The following ZRANB3 variants were observed in gnomAD, a reference collection of about 807,000 sequenced individuals.
ZRANB3 encodes the protein DNA annealing helicase and endonuclease ZRANB3.
Under a neutral mutation model 133.8 loss-of-function variants are expected in ZRANB3, and 125 were observed. That is an observed-to-expected ratio of 0.93 (90% CI 0.81 to 1.08). ZRANB3 has a LOEUF of 1.08. Among genes scored for constraint, ZRANB3 ranks in the 50% least tolerant of loss-of-function variants. The probability of loss-of-function intolerance (pLI) is 0.00; values close to 1 mark genes in which losing one functional copy is unlikely to be tolerated. For missense variants in ZRANB3, 1,229 were observed against 1,275.5 expected (o/e 0.96, Z 0.56); for synonymous variants, 387 against 432.7 (o/e 0.89, Z 1.31).
intron 2 of ZRANB3, among the ~76,000 whole-genome samples, chr2:135,446,171 A>G (rs1185030943): frequency 6.6e-6 from 1 of 150,714 alleles, no homozygotes; most frequent in African/African-American, 2.4e-5. Context: ...GCGCCATTGC[A>G]CTCCAGCCTG....
At chr2:135,392,342 CA>C (rs1480108307) in intron 2 of ZRANB3, among the ~76,000 whole-genome samples, 100 of 45,454 alleles carry the variant, frequency 2.2e-3, no homozygotes, top group African/African-American at 5.8e-3. Flanking sequence ...AATGAAAATA[CA>C]AAAAAAAAAA....
chr2:135,318,215 TGTGTGTG>T, intron 6 of ZRANB3, among the ~76,000 whole-genome samples: 1 of 31,084 alleles, frequency 3.2e-5, no homozygotes, highest in Non-Finnish European at 9.2e-5. Flanking sequence ...CACTATTTTG[TGTGTGTG>T]TGTGTGTGTG....
At chr2:135,357,217 A>T (rs62172181) in intron 3 of ZRANB3, among the ~76,000 whole-genome samples, 2 of 152,026 alleles carry the variant, frequency 1.3e-5, no homozygotes, top group African/African-American at 4.8e-5. Context: ...CTCGTGCCTT[A>T]GCCTCCTGAG....
chr2:135,399,617 CATG>C (rs888522870), intron 2 of ZRANB3, among the ~76,000 whole-genome samples: 2 of 152,118 alleles, frequency 1.3e-5, no homozygotes, highest in African/African-American at 4.8e-5. Context: ...TAACTCACAA[CATG>C]ATGACAAAAA....
chr2:135,517,297 G>A (rs1000773819), intron 1 of ZRANB3, among the ~76,000 whole-genome samples: 7 of 152,070 alleles, frequency 4.6e-5, no homozygotes, highest in South Asian at 2.1e-4. Flanking sequence ...CTCATTCTCC[G>A]TCCACTTTTG....
chr2:135,208,080 C>T (rs1262501717), intron 18 of ZRANB3, among the ~76,000 whole-genome samples: 1 of 152,100 alleles, frequency 6.6e-6, no homozygotes, highest in African/African-American at 2.4e-5. Context: ...AGGGGATGCC[C>T]TTGTGTTAAA....
chr2:135,499,297 A>G (rs904623137), intron 2 of ZRANB3, among the ~76,000 whole-genome samples: 4 of 152,226 alleles, frequency 2.6e-5, no homozygotes, highest in Non-Finnish European at 4.4e-5. Flanking sequence ...TTAAAATTTG[A>G]TGAAAGAAGT....
rs537635045 is a variant in ZRANB3, at chr2:135,237,587, T to C, written c.1540-6660A>G. 2.5e-3 allele frequency among the ~76,000 whole-genome samples: 374 copies of C among 151,548 alleles called. 3 individuals carry two copies. The highest frequency in any genetic ancestry group is 6.8e-3 in the Middle Eastern group (2 of 292). ...CTGGATTAAGAAAATGTGGCACATA[T>C]ACACCATGGAATACTATGCAGCCAT... On this transcript the variant is annotated intron_variant, in intron 12 of 20. Transcript: ENST00000264159.
At chr2:135,238,130 A>G (rs1471773458) in intron 12 of ZRANB3, among the ~76,000 whole-genome samples, 2 of 152,212 alleles carry the variant, frequency 1.3e-5, no homozygotes, top group Non-Finnish European at 2.9e-5. Flanking sequence ...ACCTATCTCC[A>G]TGGTTAATTA....
intron 2 of ZRANB3, among the ~76,000 whole-genome samples, chr2:135,427,726 A>G (rs2104977676): frequency 6.6e-6 from 1 of 152,366 alleles, no homozygotes; most frequent in East Asian, 1.9e-4. Context: ...GAACCAAAAA[A>G]AAGCTTGAAT....
In ZRANB3 at chr2:135,265,690, C is replaced by G; in HGVS notation, c.1387-4G>C. 1.9e-6 allele frequency: 3 copies of G among 1,607,988 alleles called. No homozygotes were observed. The highest frequency in any genetic ancestry group is 1.3e-5 in the African/African-American group (1 of 74,744). The stretch of plus-strand genomic sequence containing the variant: ...GTGTGCTCCCTGTAACTTGAGCCTA[C>G]AAGAGGAAAAAGTAAATGAATTTTT... On this transcript the variant is annotated splice_region_variant and splice_polypyrimidine_tract_variant and intron_variant, in intron 11 of 20. Transcript: ENST00000264159.
At chr2:135,346,530 C>T (rs1038319501) in intron 5 of ZRANB3, among the ~76,000 whole-genome samples, 3 of 152,084 alleles carry the variant, frequency 2.0e-5, no homozygotes, top group African/African-American at 7.2e-5. Flanking sequence ...ATCCATCCAT[C>T]CATCCATTCA....
In ZRANB3 at chr2:135,437,943, G is replaced by C. The variant is rs368976444; in HGVS notation, c.162-47123C>G. Among the ~76,000 whole-genome samples the C allele has an allele frequency of 4.8e-4, 73 of 152,254 alleles. 2 individuals carry two copies. The South Asian group carries it at 0.015, about 31-fold the overall frequency. Reference sequence around the variant, plus strand: ...GAGTGGGTACCATCTAATCAGTGGAGAGTGTGAATAGAAAAAAAGGTAGAG... The same window carrying C: ...GAGTGGGTACCATCTAATCAGTGGACAGTGTGAATAGAAAAAAAGGTAGAG... On this transcript the variant is annotated intron_variant, in intron 2 of 20. Coordinates refer to ENST00000264159, the MANE Select transcript of ZRANB3 (RefSeq NM_032143.4).
intron 3 of ZRANB3, among the ~76,000 whole-genome samples, chr2:135,385,161 A>T (rs951721237): frequency 2.0e-5 from 3 of 152,242 alleles, no homozygotes; most frequent in African/African-American, 7.2e-5. Context: ...TACAAAATCA[A>T]TGTGCAAAAA....
intron 2 of ZRANB3, among the ~76,000 whole-genome samples, chr2:135,466,968 G>A (rs867033815): frequency 7.2e-5 from 11 of 152,040 alleles, no homozygotes; most frequent in African/African-American, 2.7e-4. Flanking sequence ...TTTATGATTT[G>A]TGATCTGAAA....
intron 3 of ZRANB3, among the ~76,000 whole-genome samples, chr2:135,361,384 T>G (rs920088270): frequency 6.6e-6 from 1 of 152,236 alleles, no homozygotes; most frequent in African/African-American, 2.4e-5. Flanking sequence ...GTTTTCAAAA[T>G]TGTAAATCAC....
chr2:135,453,598 G>A (rs965466199), intron 2 of ZRANB3, among the ~76,000 whole-genome samples: 1 of 152,108 alleles, frequency 6.6e-6, no homozygotes, highest in African/African-American at 2.4e-5. Context: ...AAATCTCTAG[G>A]GCAGGGGCAA....
At chr2:135,240,344 G>A (rs1247603653) in intron 12 of ZRANB3, among the ~76,000 whole-genome samples, 2 of 152,100 alleles carry the variant, frequency 1.3e-5, no homozygotes, top group African/African-American at 4.8e-5. Context: ...GAAACAAATA[G>A]AATTAAACAT....
chr2:135,223,327 A>C (rs1694628198), intron 15 of ZRANB3, among the ~76,000 whole-genome samples: 1 of 151,880 alleles, frequency 6.6e-6, no homozygotes. Flanking sequence ...AAATGAAAAA[A>C]ACATTTTTTT....
Sources: allele counts gnomAD v4.1 joint callset (sites outside exome capture counted in the v4.1 genomes callset), GRCh38; gene constraint gnomAD v4.1.1; transcripts MANE v1.5; gene names NCBI Gene and HGNC (gene_info 2026-07-23, HGNC 2026-07-21).